CPLX2: variants seen among roughly 807,000 people sequenced by gnomAD.
CPLX2 encodes complexin 2.
Under a neutral mutation model 16.3 loss-of-function variants are expected in CPLX2, and 5 were observed. That is an observed-to-expected ratio of 0.31 (90% CI 0.16 to 0.64). CPLX2 has a LOEUF of 0.64. Ranked by LOEUF, CPLX2 falls within the 30% of genes least tolerant of loss-of-function variation. CPLX2 has a pLI of 0.79. For synonymous variants in CPLX2, 89 were observed against 73.2 expected, an observed-to-expected ratio of 1.22 and a Z score of -1.10; for missense variants, 144 against 181.4, an observed-to-expected ratio of 0.79 and a Z score of 1.18.
At chr5:175,807,916 T>G (rs893027218) in intron 1 of CPLX2, among the ~76,000 whole-genome samples, 1 of 152,224 alleles carries the variant, frequency 6.6e-6, no homozygotes, top group Non-Finnish European at 1.5e-5. Flanking sequence ...CTCCCTGATC[T>G]GGGCCAACCG....
At chr5:175,874,905 T>C (rs1325130329) in intron 1 of CPLX2, among the ~76,000 whole-genome samples, 5 of 151,772 alleles carry the variant, frequency 3.3e-5, no homozygotes, top group Admixed American at 1.3e-4. Flanking sequence ...ATCTGAGAAG[T>C]AGGATGAAGA....
upstream of CPLX2, among the ~76,000 whole-genome samples, chr5:175,868,191 C>T (rs1476699808): frequency 6.6e-6 from 1 of 152,188 alleles, no homozygotes; most frequent in Non-Finnish European, 1.5e-5. Context: ...CTAGACACCC[C>T]CTCACCTCCC....
chr5:175,810,549 C>A (rs1020838176), intron 2 of CPLX2, among the ~76,000 whole-genome samples: 3 of 152,222 alleles, frequency 2.0e-5, no homozygotes, highest in African/African-American at 7.2e-5. Context: ...GACCTGCACA[C>A]ACTGGCTGCT....
chr5:175,804,843 C>G (rs1758167389), intron 1 of CPLX2, among the ~76,000 whole-genome samples: 1 of 152,200 alleles, frequency 6.6e-6, no homozygotes, highest in African/African-American at 2.4e-5. Context: ...ATTCTGACTT[C>G]AGACAAGAGG....
chr5:175,799,543 T>TATATATTTATATAC, intron 1 of CPLX2, among the ~76,000 whole-genome samples: 1 of 90,186 alleles, frequency 1.1e-5, no homozygotes, highest in Non-Finnish European at 2.3e-5. Context: ...AAATTTCATA[T>TATATATTTATATAC]ATATATATAT....
At chr5:175,871,429 G>GGC (rs1759597630), upstream of CPLX2, 1 of 91,310 alleles carries the variant, frequency 1.1e-5, no homozygotes, top group African/African-American at 4.0e-5. Context: ...GAGAGAGAGA[G>GGC]AGACAGAGAG....
chr5:175,829,336 C>T (rs913904268), intron 2 of CPLX2, among the ~76,000 whole-genome samples: 2 of 152,208 alleles, frequency 1.3e-5, no homozygotes, highest in South Asian at 4.1e-4. Flanking sequence ...ACCAGGCCCA[C>T]CTGCTCAGCC....
chr5:175,866,845 A>T (rs1285282785), upstream of CPLX2, among the ~76,000 whole-genome samples: 1 of 152,108 alleles, frequency 6.6e-6, no homozygotes, highest in Non-Finnish European at 1.5e-5. Context: ...GGAGGCTAAG[A>T]CAGGATTGCT....
intron 1 of CPLX2, among the ~76,000 whole-genome samples, chr5:175,805,084 C>A (rs1294433567): frequency 1.3e-5 from 2 of 152,218 alleles, no homozygotes; most frequent in Non-Finnish European, 1.5e-5. Context: ...ATTCGGTAAA[C>A]TCTTGCTGCT....
intron 1 of CPLX2, among the ~76,000 whole-genome samples, chr5:175,877,479 C>T (rs970814741): frequency 9.9e-5 from 15 of 152,146 alleles, no homozygotes; most frequent in Non-Finnish European, 1.9e-4. Flanking sequence ...TCCCAGGAAC[C>T]CTTTTTCTTC....
rs1758451220 is a variant in CPLX2 at position 175,818,649 on chromosome 5, CCT to C, written c.-89+9582_-89+9583del. Among the ~76,000 whole-genome samples the C allele has an allele frequency of 8.8e-5, 8 of 91,106 alleles. 1 individual carries two copies. Among genetic ancestry groups the C allele is most frequent in the African/African-American group, 2.8e-4 (7 of 25,004 alleles). 59.8% of individuals were successfully genotyped at this position (91,106 alleles called of 152,430 possible). ...CCTGCAAAAGGAGCTGCTGTCCCAA[CCT>C]TTTTTTTTTTTTTTTTTTTTTTTTT... is the stretch of plus-strand genomic sequence containing the variant. On this transcript the variant is annotated intron_variant, in intron 2 of 4. Transcript: ENST00000359546.
chr5:175,866,700 C>T (rs1561788420), upstream of CPLX2, among the ~76,000 whole-genome samples: 1 of 152,088 alleles, frequency 6.6e-6, no homozygotes. Context: ...AGGGGCTCCC[C>T]CAGGGAATTT....
At chr5:175,843,821 C>A (rs956197979) in intron 2 of CPLX2, among the ~76,000 whole-genome samples, 2 of 152,240 alleles carry the variant, frequency 1.3e-5, no homozygotes. Context: ...GAGAGAAGGT[C>A]GTTGTTACCT....
At chr5:175,826,730 C>T (rs907479813) in intron 2 of CPLX2, among the ~76,000 whole-genome samples, 10 of 152,118 alleles carry the variant, frequency 6.6e-5, no homozygotes, top group East Asian at 3.9e-4. Context: ...CCTAGGCCAA[C>T]CCAGGTTCCC....
intron 2 of CPLX2, among the ~76,000 whole-genome samples, chr5:175,829,709 T>C (rs1038071565): frequency 6.6e-6 from 1 of 152,128 alleles, no homozygotes; most frequent in Non-Finnish European, 1.5e-5. Flanking sequence ...CCCTGTAATG[T>C]GGAGAGCAGA....
intron 2 of CPLX2, among the ~76,000 whole-genome samples, chr5:175,842,612 G>A (rs928167987): frequency 6.6e-6 from 1 of 152,206 alleles, no homozygotes; most frequent in African/African-American, 2.4e-5. Context: ...GGACGGCCAT[G>A]GGGCCTGCAC....
intron 1 of CPLX2, among the ~76,000 whole-genome samples, chr5:175,808,531 T>C (rs1258263628): frequency 6.6e-6 from 1 of 152,102 alleles, no homozygotes; most frequent in African/African-American, 2.4e-5. Flanking sequence ...CAAGCACTTA[T>C]ATAGCACTGA....
chr5:175,846,755 G>A (rs1316431424), intron 2 of CPLX2, among the ~76,000 whole-genome samples: 3 of 152,140 alleles, frequency 2.0e-5, no homozygotes, highest in Non-Finnish European at 4.4e-5. Flanking sequence ...CCCCATGCCT[G>A]TAAGCTGGAC....
chr5:175,881,880 CCA>C lies in CPLX2; in HGVS notation c.*1836_*1837del, dbSNP rs1176831523. The C allele has an allele frequency of 6.6e-6, 1 of 152,654 alleles. No individual in the cohort carries two copies. The highest frequency in any genetic ancestry group is 1.9e-4 in the East Asian group (1 of 5,184). 9.5% of individuals were successfully genotyped at this position (152,654 alleles called of 1,614,324 possible). A position where few individuals can be genotyped will look rare whatever the true frequency, so the allele number is the denominator to read the frequency against. On this transcript the variant is annotated 3_prime_UTR_variant, in exon 4 of 4. Coordinates refer to ENST00000393745, the MANE Select transcript of CPLX2 (RefSeq NM_001008220.2). ...CCTGAAGCCCTTGTTCCCATTGGCC[CCA>C]GTTTGCATTCTGCAGGTTTTCCATT...
Sources: gnomAD v4.1 joint callset for allele counts (sites outside exome capture counted in the v4.1 genomes callset) on GRCh38, gnomAD v4.1.1 for gene constraint, MANE v1.5 for transcripts, NCBI Gene and HGNC (gene_info 2026-07-23, HGNC 2026-07-21) for gene names.